Variants in DPP10 observed in about 807,000 individuals in gnomAD.
The protein encoded by DPP10 is inactive dipeptidyl peptidase 10.
In DPP10, 33 loss-of-function variants were observed where a neutral mutation model predicts 120.9. That is an observed-to-expected ratio of 0.27 (90% CI 0.21 to 0.37). The LOEUF (loss-of-function observed/expected upper bound fraction) is 0.37, where lower values mean the gene tolerates loss of function less well. Ranked by LOEUF, DPP10 falls within the 10% of genes least tolerant of loss-of-function variation. DPP10 has a pLI of 1.00. For missense variants in DPP10, 816 were observed against 942.8 expected (o/e 0.87, Z 1.76); for synonymous variants, 337 against 326.1 (o/e 1.03, Z -0.36).
chr2:115,529,327 G>A (rs1344477817), intron 5 of DPP10, among the ~76,000 whole-genome samples: 1 of 151,714 alleles, frequency 6.6e-6, no homozygotes, highest in Non-Finnish European at 1.5e-5. Flanking sequence ...GCACCACCAC[G>A]CCCAGCTAGT....
chr2:115,122,116 A>G (rs1167431045), intron 1 of DPP10, among the ~76,000 whole-genome samples: 3 of 152,208 alleles, frequency 2.0e-5, no homozygotes, highest in African/African-American at 7.2e-5. Flanking sequence ...GACTGGAGTG[A>G]ACAGAGTGTT....
chr2:115,508,431 C>G (rs576085967), intron 4 of DPP10, among the ~76,000 whole-genome samples: 1 of 152,112 alleles, frequency 6.6e-6, no homozygotes, highest in South Asian at 2.1e-4. Context: ...GAGATATGCA[C>G]TAATCAAATA....
intron 1 of DPP10, among the ~76,000 whole-genome samples, chr2:114,985,145 C>G (rs1027120222): frequency 6.6e-6 from 1 of 152,228 alleles, no homozygotes; most frequent in Non-Finnish European, 1.5e-5. Context: ...CTCCTCCCAT[C>G]ATGCTTACTT....
chr2:114,753,678 G>A (rs996969867), intron 1 of DPP10, among the ~76,000 whole-genome samples: 1 of 152,088 alleles, frequency 6.6e-6, no homozygotes, highest in Non-Finnish European at 1.5e-5. Flanking sequence ...GGGAGGCCGA[G>A]GTGGGCAGAT....
Position 114,534,706 on chromosome 2 carries a change from CT to C in DPP10, c.60+91879del, listed in dbSNP as rs36111101. On this transcript the variant is annotated intron_variant, in intron 1 of 25. Coordinates refer to ENST00000410059, the MANE Select transcript of DPP10 (RefSeq NM_020868.6). Reference sequence around the variant, plus strand: ...TAGAAACCTTCTGTTTTGCTTTTTACTTTTTTTTTTTAAGGGAATACGTATC... The same window carrying C: ...TAGAAACCTTCTGTTTTGCTTTTTACTTTTTTTTTTAAGGGAATACGTATC... Among the ~76,000 whole-genome samples, 46 of 148,818 alleles carry C rather than the reference CT, an allele frequency of 3.1e-4. 1 individual carries two copies. The highest frequency in any genetic ancestry group is 3.5e-3 in the Middle Eastern group (1 of 284).
chr2:114,509,016 A>G (rs1001901347), intron 1 of DPP10, among the ~76,000 whole-genome samples: 13 of 150,392 alleles, frequency 8.6e-5, no homozygotes, highest in Non-Finnish European at 1.3e-4. Flanking sequence ...GAGAGTGAGA[A>G]AGAGAGAGAG....
At chr2:114,643,196 C>T (rs1205317511) in intron 1 of DPP10, among the ~76,000 whole-genome samples, 4 of 151,884 alleles carry the variant, frequency 2.6e-5, no homozygotes, top group Non-Finnish European at 5.9e-5. Context: ...AGTCATATGG[C>T]TATTCTAAGA....
intron 1 of DPP10, among the ~76,000 whole-genome samples, chr2:114,903,020 T>G (rs1325920702): frequency 6.6e-6 from 1 of 152,234 alleles, no homozygotes; most frequent in East Asian, 1.9e-4. Flanking sequence ...GTTTTGCCTT[T>G]GCCAGAATGT....
intron 5 of DPP10, among the ~76,000 whole-genome samples, chr2:115,671,319 A>T (rs1380653311): frequency 1.3e-5 from 2 of 151,872 alleles, no homozygotes; most frequent in Non-Finnish European, 2.9e-5. Context: ...TTAATTATTT[A>T]AAAAATATAT....
chr2:114,688,742 G>A (rs1573970817), intron 1 of DPP10, among the ~76,000 whole-genome samples: 1 of 151,992 alleles, frequency 6.6e-6, no homozygotes, highest in African/African-American at 2.4e-5. Flanking sequence ...TGGGCACAGA[G>A]TGTTATGGAC....
At chr2:114,961,736 C>T (rs1698653104) in intron 1 of DPP10, among the ~76,000 whole-genome samples, 1 of 152,010 alleles carries the variant, frequency 6.6e-6, no homozygotes, top group Admixed American at 6.6e-5. Context: ...GGCGGATCAC[C>T]TGAGGTCAGG....
At chr2:114,568,854 T>G (rs568951220) in intron 1 of DPP10, among the ~76,000 whole-genome samples, 1 of 152,298 alleles carries the variant, frequency 6.6e-6, no homozygotes, top group Admixed American at 6.5e-5. Flanking sequence ...TATCACCAAA[T>G]CTATTTTGGT....
chr2:115,720,655 A>T (rs766461434), intron 7 of DPP10, among the ~76,000 whole-genome samples: 1 of 152,136 alleles, frequency 6.6e-6, no homozygotes, highest in Non-Finnish European at 1.5e-5. Flanking sequence ...GGAGGTTTCT[A>T]TGTGAAATAG....
At chr2:115,335,307 T>G (rs2106203732) in intron 2 of DPP10, among the ~76,000 whole-genome samples, 1 of 152,112 alleles carries the variant, frequency 6.6e-6, no homozygotes, top group South Asian at 2.1e-4. Flanking sequence ...CAAACCATAT[T>G]AACTACTATA....
chr2:115,129,759 G>A (rs1055612665), intron 1 of DPP10, among the ~76,000 whole-genome samples: 1 of 152,144 alleles, frequency 6.6e-6, no homozygotes, highest in Non-Finnish European at 1.5e-5. Flanking sequence ...GAAACCAGCA[G>A]CATAGGCATC....
chr2:114,497,286 T>TGC (rs1558813965), intron 1 of DPP10, among the ~76,000 whole-genome samples: 5 of 135,376 alleles, frequency 3.7e-5, no homozygotes, highest in African/African-American at 1.5e-4. Flanking sequence ...TATACGTGTA[T>TGC]ACATGTACAT....
intron 7 of DPP10, among the ~76,000 whole-genome samples, chr2:115,706,751 A>G (rs752151865): frequency 2.0e-5 from 3 of 151,970 alleles, no homozygotes; most frequent in Non-Finnish European, 4.4e-5. Flanking sequence ...CAAGATGTGA[A>G]CCATCTTACA....
chr2:115,720,836 T>G (rs1184775205), intron 7 of DPP10, among the ~76,000 whole-genome samples: 1 of 152,152 alleles, frequency 6.6e-6, no homozygotes, highest in African/African-American at 2.4e-5. Flanking sequence ...AATTTTTACC[T>G]CATAAAACAA....
intron 3 of DPP10, among the ~76,000 whole-genome samples, chr2:115,364,569 C>A (rs149937431): frequency 4.6e-5 from 7 of 151,442 alleles, no homozygotes; most frequent in Non-Finnish European, 1.5e-5. Flanking sequence ...TCCTGCTTTT[C>A]CTTATGAAAC....
Sources: allele counts gnomAD v4.1 joint callset (sites outside exome capture counted in the v4.1 genomes callset), GRCh38; gene constraint gnomAD v4.1.1; transcripts MANE v1.5; gene names NCBI Gene and HGNC (gene_info 2026-07-23, HGNC 2026-07-21).